Variants in SUSD1 observed in about 807,000 individuals in gnomAD.
The protein encoded by SUSD1 is sushi domain containing 1.
SUSD1 carries 65 observed loss-of-function variants against 86.9 expected under a neutral mutation model. The observed-to-expected ratio is 0.75, with a 90% CI of 0.61 to 0.92. SUSD1 has a LOEUF of 0.92. SUSD1 is among the 40% of genes least tolerant of loss of function. SUSD1 has a pLI of 0.00. For synonymous variants in SUSD1, 346 were observed against 350.0 expected, an observed-to-expected ratio of 0.99 and a Z score of 0.13; for missense variants, 850 against 929.7, an observed-to-expected ratio of 0.91 and a Z score of 1.11.
chr9:112,052,264 G>T (rs1483488571), intron 15 of SUSD1, 135 bp downstream of exon 15: 5 of 1,561,214 alleles, frequency 3.2e-6, no homozygotes, highest in Non-Finnish European at 4.3e-6. Flanking sequence ...TTTCAGCTAT[G>T]AAGCTCTTTG....
intron 10 of SUSD1, among the ~76,000 whole-genome samples, chr9:112,096,601 G>T (rs767304396): frequency 6.6e-6 from 1 of 152,006 alleles, no homozygotes; most frequent in East Asian, 1.9e-4. Flanking sequence ...GTGCAGTGGC[G>T]CAATCTCGGC....
At chr9:112,088,835 G>A (rs1589637029) in intron 10 of SUSD1, among the ~76,000 whole-genome samples, 1 of 151,972 alleles carries the variant, frequency 6.6e-6, no homozygotes, top group East Asian at 1.9e-4. Flanking sequence ...GCTGAGTGTG[G>A]TGGTTCCCGC....
intron 8 of SUSD1, among the ~76,000 whole-genome samples, chr9:112,107,310 G>A (rs959295175): frequency 1.3e-5 from 2 of 148,692 alleles, no homozygotes; most frequent in Admixed American, 1.3e-4. Context: ...GAGGCCAGAC[G>A]TGGTGGCTCA....
intron 6 of SUSD1, among the ~76,000 whole-genome samples, chr9:112,121,342 C>T (rs1277634064): frequency 6.6e-6 from 1 of 152,130 alleles, no homozygotes; most frequent in Non-Finnish European, 1.5e-5. Flanking sequence ...GTGAGCTTTC[C>T]ATCTATCCCA....
intron 10 of SUSD1, among the ~76,000 whole-genome samples, chr9:112,088,416 G>T (rs1408691777): frequency 6.6e-6 from 1 of 152,192 alleles, no homozygotes; most frequent in African/African-American, 2.4e-5. Flanking sequence ...GCAGAAAAAG[G>T]AAAATAGAAT....
chr9:112,127,415 A>C (rs961262867), intron 5 of SUSD1, among the ~76,000 whole-genome samples: 5 of 152,072 alleles, frequency 3.3e-5, no homozygotes, highest in African/African-American at 1.2e-4. Context: ...GAAATTCTAT[A>C]GTCCCCGTGC....
At chr9:112,092,191 T>C (rs1830230485) in intron 10 of SUSD1, among the ~76,000 whole-genome samples, 1 of 152,212 alleles carries the variant, frequency 6.6e-6, no homozygotes, top group African/African-American at 2.4e-5. Flanking sequence ...ACTCCAGTCA[T>C]ACCTCCAAAT....
At chr9:112,080,558 T>G (rs978746912) in intron 10 of SUSD1, among the ~76,000 whole-genome samples, 1 of 151,904 alleles carries the variant, frequency 6.6e-6, no homozygotes, top group South Asian at 2.1e-4. Context: ...CGTGGTGGTG[T>G]GTGCCTGTAG....
At chr9:112,060,644 T>C (rs1181649046) in intron 13 of SUSD1, among the ~76,000 whole-genome samples, 1 of 152,222 alleles carries the variant, frequency 6.6e-6, no homozygotes, top group African/African-American at 2.4e-5. Context: ...AGCCAAGGGC[T>C]TTCTACAAAA....
At chr9:112,114,937 T>C (rs1831251241) in intron 6 of SUSD1, among the ~76,000 whole-genome samples, 1 of 152,208 alleles carries the variant, frequency 6.6e-6, no homozygotes, top group Non-Finnish European at 1.5e-5. Context: ...CAATCAGGCA[T>C]CATACGCTGA....
chr9:112,042,202 T>C, intron 15 of SUSD1: 1 of 1,521,958 alleles, frequency 6.6e-7, no homozygotes, highest in East Asian at 2.5e-5. Context: ...ATGTTAAAGT[T>C]ACAAGGGAGA....
At chr9:112,083,385 A>C (rs1317251845) in intron 10 of SUSD1, among the ~76,000 whole-genome samples, 1 of 151,828 alleles carries the variant, frequency 6.6e-6, no homozygotes, top group African/African-American at 2.4e-5. Context: ...GCACCACCAC[A>C]CCTGGCTAAT....
chr9:112,100,984 C>T (rs1188220631), intron 9 of SUSD1, among the ~76,000 whole-genome samples: 1 of 151,840 alleles, frequency 6.6e-6, no homozygotes, highest in Non-Finnish European at 1.5e-5. Flanking sequence ...TTGTAGTTGC[C>T]TATTTACCTA....
chr9:112,151,533 G>A (rs568041216), intron 2 of SUSD1, among the ~76,000 whole-genome samples: 2 of 151,712 alleles, frequency 1.3e-5, no homozygotes, highest in Non-Finnish European at 2.9e-5. Context: ...GGAAGTGGAG[G>A]TTGTAGCAAG....
At chr9:112,123,136 G>C (rs1220423130) in intron 6 of SUSD1, among the ~76,000 whole-genome samples, 2 of 152,220 alleles carry the variant, frequency 1.3e-5, no homozygotes, top group Non-Finnish European at 2.9e-5. Flanking sequence ...AGGAATACCT[G>C]AGACTAGGTA....
intron 1 of SUSD1, among the ~76,000 whole-genome samples, chr9:112,164,372 TCA>T (rs1453162858): frequency 6.6e-6 from 1 of 152,094 alleles, no homozygotes; most frequent in Non-Finnish European, 1.5e-5. Flanking sequence ...TTTCTGGATC[TCA>T]GTTTTTTCAC....
intron 12 of SUSD1, among the ~76,000 whole-genome samples, chr9:112,068,050 G>A (rs7046525): frequency 2.6e-5 from 4 of 151,988 alleles, no homozygotes; most frequent in Non-Finnish European, 5.9e-5. Flanking sequence ...CACCTCTGCC[G>A]CAGGCTCTGT....
At chr9:112,153,861 G>A (rs1213939620) in intron 2 of SUSD1, among the ~76,000 whole-genome samples, 1 of 151,918 alleles carries the variant, frequency 6.6e-6, no homozygotes, top group East Asian at 1.9e-4. Flanking sequence ...TGATCCTCCT[G>A]CCTTGGCTTC....
chr9:112,062,010 C>G (rs1828749301), intron 13 of SUSD1, among the ~76,000 whole-genome samples: 1 of 152,176 alleles, frequency 6.6e-6, no homozygotes, highest in African/African-American at 2.4e-5. Flanking sequence ...GCAAATAAAA[C>G]ACTTAACTGA....
Sources: allele counts gnomAD v4.1 joint callset (sites outside exome capture counted in the v4.1 genomes callset), GRCh38; gene constraint gnomAD v4.1.1; transcripts MANE v1.5; gene names NCBI Gene and HGNC (gene_info 2026-07-23, HGNC 2026-07-21).